The following PTPRD variants were observed in gnomAD, a reference collection of about 807,000 sequenced individuals.
PTPRD encodes receptor-type tyrosine-protein phosphatase delta.
PTPRD carries 34 observed loss-of-function variants against 214.5 expected under a neutral mutation model. The ratio of observed to expected loss-of-function variants is 0.16; its 90% CI spans 0.12 to 0.21. The LOEUF (loss-of-function observed/expected upper bound fraction) is 0.21, where lower values mean the gene tolerates loss of function less well. Ranked by LOEUF, PTPRD falls within the 10% of genes least tolerant of loss-of-function variation. The pLI is 1.00. For missense variants in PTPRD, 2,545 were observed against 2,398.7 expected (o/e 1.06, Z -1.27); for synonymous variants, 1,128 against 845.7 (o/e 1.33, Z -5.79).
intron 21 of PTPRD, among the ~76,000 whole-genome samples, chr9:8,517,048 T>C (rs1483779909): frequency 6.6e-6 from 1 of 152,084 alleles, no homozygotes; most frequent in Non-Finnish European, 1.5e-5. Flanking sequence ...GACCCTCAAG[T>C]GATCCACCTA....
At chr9:9,858,211 C>G (rs1403148540) in intron 5 of PTPRD, among the ~76,000 whole-genome samples, 3 of 152,132 alleles carry the variant, frequency 2.0e-5, no homozygotes, top group Admixed American at 2.0e-4. Context: ...TTTCATGATG[C>G]TCTGGAAGCC....
chr9:10,000,160 C>G (rs1361221271), intron 4 of PTPRD, among the ~76,000 whole-genome samples: 2 of 152,126 alleles, frequency 1.3e-5, no homozygotes, highest in Non-Finnish European at 1.5e-5. Context: ...GTATGCTCTT[C>G]TCAAGGAAAA....
chr9:9,191,973 C>T (rs942838135), intron 9 of PTPRD, among the ~76,000 whole-genome samples: 6 of 151,810 alleles, frequency 4.0e-5, no homozygotes, highest in South Asian at 2.1e-4. Flanking sequence ...TCATGTTGCC[C>T]CAATATAAAC....
At chr9:8,371,720 C>T (rs1393920387) in intron 39 of PTPRD, among the ~76,000 whole-genome samples, 1 of 151,954 alleles carries the variant, frequency 6.6e-6, no homozygotes, top group Non-Finnish European at 1.5e-5. Flanking sequence ...TATCTGAAGC[C>T]AGTTTGCAAC....
At chr9:8,500,268 G>C (rs1240113682) in intron 24 of PTPRD, among the ~76,000 whole-genome samples, 1 of 151,802 alleles carries the variant, frequency 6.6e-6, no homozygotes, top group Non-Finnish European at 1.5e-5. Flanking sequence ...TTGATTATAT[G>C]TATTATCTTC....
intron 7 of PTPRD, among the ~76,000 whole-genome samples, chr9:9,623,943 T>C (rs1293051847): frequency 1.3e-5 from 2 of 152,158 alleles, no homozygotes; most frequent in African/African-American, 2.4e-5. Context: ...CAGTGAAAGT[T>C]CAAAACTGAG....
intron 10 of PTPRD, among the ~76,000 whole-genome samples, chr9:9,108,844 C>G (rs78974146): frequency 0.029 from 4,411 of 152,170 alleles, 112 homozygotes; most frequent in East Asian, 0.064. Flanking sequence ...TCAGTCTGGT[C>G]GGGGGAGCAA....
chr9:8,867,341 C>G (rs1168575932), intron 11 of PTPRD, among the ~76,000 whole-genome samples: 1 of 152,148 alleles, frequency 6.6e-6, no homozygotes, highest in Non-Finnish European at 1.5e-5. Flanking sequence ...GGCAGATGTT[C>G]TGCTCTGCCC....
intron 9 of PTPRD, among the ~76,000 whole-genome samples, chr9:9,227,639 C>G (rs2099960379): frequency 6.6e-6 from 1 of 152,088 alleles, no homozygotes; most frequent in South Asian, 2.1e-4. Context: ...AAAAAGATAT[C>G]ACAACTTCTT....
chr9:8,481,730 G>A (rs567637007), intron 30 of PTPRD, among the ~76,000 whole-genome samples: 37 of 152,020 alleles, frequency 2.4e-4, no homozygotes, highest in Admixed American at 9.8e-4. Flanking sequence ...CTTCTTCCAC[G>A]AAACCATTGC....
intron 12 of PTPRD, among the ~76,000 whole-genome samples, chr9:8,727,683 G>A (rs2098600294): frequency 6.6e-6 from 1 of 152,018 alleles, no homozygotes. Context: ...TTGAGACAGA[G>A]TCTCTCTCTG....
At position 8,782,647 on chromosome 9, in the gene PTPRD, A is replaced by G. The variant is rs547699859; in HGVS notation, c.-103-48701T>C. 6.0e-3 allele frequency among the ~76,000 whole-genome samples: 896 copies of G among 148,800 alleles called. 5 individuals carry two copies. The highest frequency in any genetic ancestry group is 8.9e-3 in the Non-Finnish European group (603 of 67,508). The stretch of plus-strand genomic sequence containing the variant: ...GAGTCTCGCCCCGTTGCCCAGGCTG[A>G]AGTGCAGTGGCACAATCTCGGCTCA... On this transcript the variant is annotated intron_variant, in intron 11 of 45. Coordinates refer to ENST00000381196, the MANE Select transcript of PTPRD (RefSeq NM_002839.4).
At chr9:9,813,514 C>G (rs1161171435) in intron 5 of PTPRD, among the ~76,000 whole-genome samples, 1 of 151,806 alleles carries the variant, frequency 6.6e-6, no homozygotes, top group Non-Finnish European at 1.5e-5. Context: ...ATTGGATAGC[C>G]TAGAAGAAAT....
intron 4 of PTPRD, among the ~76,000 whole-genome samples, chr9:9,938,846 G>GTCTTCC (rs2090475458): frequency 6.6e-6 from 1 of 151,936 alleles, no homozygotes. Context: ...CTTATAAAAG[G>GTCTTCC]TTATTTATTA....
At chr9:9,079,239 G>C (rs1028654433) in intron 10 of PTPRD, among the ~76,000 whole-genome samples, 1 of 151,506 alleles carries the variant, frequency 6.6e-6, no homozygotes, top group African/African-American at 2.4e-5. Context: ...AATATCCTCT[G>C]TTCTACTGTT....
intron 7 of PTPRD, among the ~76,000 whole-genome samples, chr9:9,665,492 T>C (rs2154382815): frequency 6.6e-6 from 1 of 151,892 alleles, no homozygotes; most frequent in East Asian, 1.9e-4. Flanking sequence ...TGTTCTGGCT[T>C]TCTGACCTTC....
intron 11 of PTPRD, among the ~76,000 whole-genome samples, chr9:8,827,475 C>T (rs181566671): frequency 7.9e-5 from 12 of 152,078 alleles, no homozygotes; most frequent in African/African-American, 2.9e-4. Context: ...GGTATGGTGG[C>T]GCACCCCTGT....
chr9:9,737,175 A>G (rs1364674770), intron 6 of PTPRD, among the ~76,000 whole-genome samples: 1 of 152,114 alleles, frequency 6.6e-6, no homozygotes, highest in Non-Finnish European at 1.5e-5. Context: ...GCTCTACAAT[A>G]TTAGTCATGA....
intron 9 of PTPRD, among the ~76,000 whole-genome samples, chr9:9,196,851 T>C (rs2099938903): frequency 1.3e-5 from 2 of 152,208 alleles, no homozygotes; most frequent in African/African-American, 4.8e-5. Context: ...GGCTTTGGTG[T>C]TGCTACCAAC....
Sources: gnomAD v4.1 joint callset for allele counts (sites outside exome capture counted in the v4.1 genomes callset) on GRCh38, gnomAD v4.1.1 for gene constraint, MANE v1.5 for transcripts, NCBI Gene and HGNC (gene_info 2026-07-23, HGNC 2026-07-21) for gene names.